Variants in ASIC2 observed in about 807,000 individuals in gnomAD.
ASIC2 encodes acid sensing ion channel subunit 2, also known as acid-sensing ion channel 2.
Under a neutral mutation model 57.3 loss-of-function variants are expected in ASIC2, and 25 were observed. That is an observed-to-expected ratio of 0.44 (90% CI 0.32 to 0.61). ASIC2 has a LOEUF of 0.61. Among genes scored for constraint, ASIC2 ranks in the 20% least tolerant of loss-of-function variants. The pLI, the probability that ASIC2 is intolerant of heterozygous loss-of-function variation, is 0.06. For missense variants in ASIC2, 641 were observed against 738.1 expected (o/e 0.87, Z 1.52); for synonymous variants, 319 against 307.5 (o/e 1.04, Z -0.39).
chr17:33,191,292 ACAGAGACGGAT>A (rs1906407961), intron 1 of ASIC2, among the ~76,000 whole-genome samples: 1 of 152,196 alleles, frequency 6.6e-6, no homozygotes, highest in Non-Finnish European at 1.5e-5. Context: ...ATCTACACTG[ACAGAGACGGAT>A]CAGTAGTTTC....
chr17:33,238,970 C>T (rs1263254990), intron 1 of ASIC2, among the ~76,000 whole-genome samples: 2 of 151,922 alleles, frequency 1.3e-5, no homozygotes, highest in East Asian at 3.9e-4. Flanking sequence ...CACCACTGTA[C>T]TCCAGCCTGA....
chr17:33,327,807 C>T (rs1907137353), intron 1 of ASIC2, among the ~76,000 whole-genome samples: 1 of 152,078 alleles, frequency 6.6e-6, no homozygotes, highest in Non-Finnish European at 1.5e-5. Flanking sequence ...GAAATAGGGC[C>T]GTTGCAGACG....
At chr17:34,008,990 C>T (rs1374496528) in intron 1 of ASIC2, among the ~76,000 whole-genome samples, 1 of 152,120 alleles carries the variant, frequency 6.6e-6, no homozygotes, top group Non-Finnish European at 1.5e-5. Flanking sequence ...CTTTTGATTC[C>T]TAAATGAGGT....
At chr17:33,439,180 T>A (rs1234949405) in intron 1 of ASIC2, among the ~76,000 whole-genome samples, 1 of 152,178 alleles carries the variant, frequency 6.6e-6, no homozygotes, top group East Asian at 1.9e-4. Context: ...TGGCACTGTG[T>A]CAGCCTTGTG....
chr17:33,731,327 G>A (rs1909735576), intron 1 of ASIC2, among the ~76,000 whole-genome samples: 1 of 152,122 alleles, frequency 6.6e-6, no homozygotes, highest in Non-Finnish European at 1.5e-5. Flanking sequence ...CTATATTTTA[G>A]GGGGGAGGTC....
intron 1 of ASIC2, among the ~76,000 whole-genome samples, chr17:34,031,253 G>A (rs947724910): frequency 1.3e-5 from 2 of 152,218 alleles, no homozygotes; most frequent in African/African-American, 4.8e-5. Context: ...GGCAAACAGG[G>A]TCTGGAGTGG....
intron 1 of ASIC2, among the ~76,000 whole-genome samples, chr17:33,435,866 G>A (rs547898636): frequency 1.1e-4 from 16 of 152,190 alleles, no homozygotes; most frequent in Non-Finnish European, 1.8e-4. Context: ...AGTCTGATCA[G>A]ACCTCTAGAC....
chr17:34,089,780 G>T (rs1598018528), intron 1 of ASIC2, among the ~76,000 whole-genome samples: 3 of 152,032 alleles, frequency 2.0e-5, no homozygotes, highest in Non-Finnish European at 4.4e-5. Flanking sequence ...CCCTTTCTCA[G>T]ATTCCTTGTG....
chr17:33,660,374 C>T (rs762103115), intron 1 of ASIC2, among the ~76,000 whole-genome samples: 5 of 151,904 alleles, frequency 3.3e-5, no homozygotes, highest in Non-Finnish European at 7.4e-5. Context: ...TGTAGTAGCA[C>T]TTAGCTTAAA....
At chr17:33,863,345 G>A (rs1266225778) in intron 1 of ASIC2, among the ~76,000 whole-genome samples, 1 of 152,232 alleles carries the variant, frequency 6.6e-6, no homozygotes, top group East Asian at 1.9e-4. Flanking sequence ...GAATCCATAT[G>A]ATGCTTTTAG....
rs540696473 is a variant in ASIC2, at chr17:33,197,881, A to G, written c.709-85814T>C. ...AGAATGATAGAATGTATTTAATTTA[A>G]CTAGTTGTTGGCTGGATTCAAAACT... is the stretch of plus-strand genomic sequence containing the variant. On this transcript the variant is annotated intron_variant, in intron 1 of 9. Transcript: ENST00000225823. Among the ~76,000 whole-genome samples the G allele has an allele frequency of 2.2e-4, 34 of 152,224 alleles. No homozygotes were observed. The South Asian group carries it at 4.8e-3, about 21-fold the overall frequency.
At chr17:33,739,836 A>T (rs1910042390) in intron 1 of ASIC2, among the ~76,000 whole-genome samples, 1 of 151,660 alleles carries the variant, frequency 6.6e-6, no homozygotes, top group African/African-American at 2.4e-5. Flanking sequence ...AAGAAAAAGA[A>T]AGAGAAAGAA....
intron 1 of ASIC2, among the ~76,000 whole-genome samples, chr17:33,900,198 G>C (rs1323536543): frequency 6.6e-6 from 1 of 152,202 alleles, no homozygotes; most frequent in Non-Finnish European, 1.5e-5. Flanking sequence ...AAGCATGGGA[G>C]AGGCATGTAG....
At chr17:33,969,845 G>T (rs1451537732) in intron 1 of ASIC2, among the ~76,000 whole-genome samples, 1 of 152,124 alleles carries the variant, frequency 6.6e-6, no homozygotes, top group Non-Finnish European at 1.5e-5. Context: ...CATGGTGAGT[G>T]CCAAGGGGAT....
At chr17:33,503,283 G>C (rs1416710257) in intron 1 of ASIC2, among the ~76,000 whole-genome samples, 2 of 152,160 alleles carry the variant, frequency 1.3e-5, no homozygotes, top group Non-Finnish European at 2.9e-5. Flanking sequence ...CAGGCAAAAT[G>C]CTACTTTCTC....
intron 1 of ASIC2, among the ~76,000 whole-genome samples, chr17:33,563,901 T>C (rs1916152333): frequency 6.6e-6 from 1 of 152,182 alleles, no homozygotes; most frequent in African/African-American, 2.4e-5. Context: ...CCTTTCACTA[T>C]TGCCATCTGG....
At chr17:33,065,038 A>C (rs1331924662) in intron 3 of ASIC2, among the ~76,000 whole-genome samples, 1 of 152,158 alleles carries the variant, frequency 6.6e-6, no homozygotes, top group African/African-American at 2.4e-5. Context: ...GAAGGTCATT[A>C]AATTCTCTTA....
At chr17:33,437,719 C>G (rs1429902218) in intron 1 of ASIC2, among the ~76,000 whole-genome samples, 1 of 152,106 alleles carries the variant, frequency 6.6e-6, no homozygotes, top group African/African-American at 2.4e-5. Context: ...TCGCGTGAAC[C>G]CAGGATGCGG....
chr17:33,016,758 G>T (rs996705107), intron 8 of ASIC2, among the ~76,000 whole-genome samples: 6 of 151,892 alleles, frequency 4.0e-5, no homozygotes, highest in African/African-American at 1.5e-4. Flanking sequence ...GCAGGCTCCC[G>T]TCTACTGCTC....
Sources: gnomAD v4.1 joint callset for allele counts (sites outside exome capture counted in the v4.1 genomes callset) on GRCh38, gnomAD v4.1.1 for gene constraint, MANE v1.5 for transcripts, NCBI Gene and HGNC (gene_info 2026-07-23, HGNC 2026-07-21) for gene names.